Variants in ATP11B observed in about 807,000 individuals in gnomAD.
ATP11B encodes the protein phospholipid-transporting ATPase IF.
In ATP11B, 81 loss-of-function variants were observed where a neutral mutation model predicts 157.8. The ratio of observed to expected loss-of-function variants is 0.51; its 90% CI spans 0.43 to 0.62. The LOEUF is 0.62. Ranked by LOEUF, ATP11B falls within the 20% of genes least tolerant of loss-of-function variation. The pLI is 0.00. For synonymous variants in ATP11B, 451 were observed against 469.4 expected (o/e 0.96, Z 0.51); for missense variants, 1,165 against 1,402.2 (o/e 0.83, Z 2.70).
Position 182,852,093 on chromosome 3 carries a change from AT to A in ATP11B, c.851+3537del, listed in dbSNP as rs567156910. On this transcript the variant is annotated intron_variant, in intron 10 of 29. Coordinates refer to ENST00000323116, the MANE Select transcript of ATP11B (RefSeq NM_014616.3). ...ATCATACAAAGTATGTTCTTTGACA[AT>A]GAGGGAATTGGATTAAAAATCAATA... 1.8e-3 allele frequency among the ~76,000 whole-genome samples: 268 copies of A among 152,350 alleles called. 1 individual carries two copies. The highest frequency in any genetic ancestry group is 6.3e-3 in the African/African-American group (264 of 41,584).
At position 182,884,933 on chromosome 3, in the gene ATP11B, T is replaced by C. The variant is rs1249072230; in HGVS notation, c.2655+35T>C. The C allele has an allele frequency of 3.4e-6, 4 of 1,186,020 alleles. No individual in the cohort carries two copies. In the East Asian group the frequency reaches 7.6e-5, roughly 23 times the overall value. The allele number at this position is 1,186,020 out of a possible 1,614,324, so 73.5% of individuals were successfully genotyped here. A position where few individuals can be genotyped will look rare whatever the true frequency, so the allele number is the denominator to read the frequency against. On this transcript the variant is annotated intron_variant, in intron 22 of 29. Coordinates refer to ENST00000323116, the MANE Select transcript of ATP11B (RefSeq NM_014616.3). The stretch of plus-strand genomic sequence containing the variant: ...ATGTATTTAGAATCAATTATTGATA[T>C]AGTAATATGAAGTTTCAATTTAAGG...
chr3:182,880,881 A>G lies in ATP11B; in HGVS notation c.2409A>G (p.Val803=), dbSNP rs745864011. ...AACCAATTCATTATGTCTTTCAGGT[A>G]ATAAGACTAATAAAAATATCACCTG... The part of the protein sequence containing the change: ...CRMAPLQKAK[V]IRLIKISPEK... The change falls in exon 21 of 30, where the codon GTA becomes GTG. Residue 803 remains valine (V), a splice_region_variant and synonymous_variant. Coordinates refer to ENST00000323116, the MANE Select transcript of ATP11B (RefSeq NM_014616.3). 3.2e-6 allele frequency: 5 copies of G among 1,573,220 alleles called. No homozygotes were observed. The South Asian group carries it at 4.8e-5, about 15-fold the overall frequency.
intron 17 of ATP11B, among the ~76,000 whole-genome samples, chr3:182,871,158 C>T (rs1304543874): frequency 1.3e-5 from 2 of 151,528 alleles, no homozygotes; most frequent in South Asian, 2.1e-4. Context: ...CATAGCCAAG[C>T]GTGGTGGCAC....
intron 10 of ATP11B, among the ~76,000 whole-genome samples, chr3:182,852,881 C>T (rs1720089711): frequency 6.6e-6 from 1 of 152,164 alleles, no homozygotes; most frequent in African/African-American, 2.4e-5. Context: ...CTTAAAAAGG[C>T]ACTGTTTATG....
intron 21 of ATP11B, 27 bp downstream of exon 21, chr3:182,881,008 TC>T: frequency 6.6e-7 from 1 of 1,507,494 alleles, no homozygotes; most frequent in Admixed American, 2.2e-5. Flanking sequence ...GAAAAGTTTT[TC>T]CTGAACTTTT....
intron 18 of ATP11B, 147 bp downstream of exon 18, chr3:182,872,684 C>G: frequency 1.4e-6 from 1 of 717,360 alleles, no homozygotes; most frequent in Non-Finnish European, 2.2e-6. Context: ...TAATTTTTCC[C>G]GGTCAGTATG....
At chr3:182,819,564 C>T (rs1717197182) in intron 1 of ATP11B, among the ~76,000 whole-genome samples, 1 of 152,116 alleles carries the variant, frequency 6.6e-6, no homozygotes, top group Admixed American at 6.5e-5. Context: ...AATCTGAGGT[C>T]AGGATATGAG....
chr3:182,884,154 T>G (rs914334613), intron 21 of ATP11B, among the ~76,000 whole-genome samples: 2 of 152,222 alleles, frequency 1.3e-5, no homozygotes, highest in African/African-American at 2.4e-5. Flanking sequence ...TCTTCTCTTT[T>G]GAAACCTTAA....
chr3:182,793,675 C>G lies in ATP11B; in HGVS notation c.-85C>G, dbSNP rs1715388742. 1 of 929,688 alleles carries G rather than the reference C, an allele frequency of 1.1e-6. No individual in the cohort carries two copies. The highest frequency in any genetic ancestry group is 1.7e-5 in the African/African-American group (1 of 58,058). 57.6% of individuals were successfully genotyped at this position (929,688 alleles called of 1,614,324 possible). A position where few individuals can be genotyped will look rare whatever the true frequency, so the allele number is the denominator to read the frequency against. On this transcript the variant is annotated 5_prime_UTR_variant, in exon 1 of 30. Transcript: ENST00000323116. Reference sequence around the variant, plus strand: ...CGGAACTTCGGCCCGAGGGGCTCGCCCGCTCCCGCCTCTGTCTTGTCGGCC... The same window carrying G: ...CGGAACTTCGGCCCGAGGGGCTCGCGCGCTCCCGCCTCTGTCTTGTCGGCC...
At chr3:182,806,725 T>C (rs73887039) in intron 1 of ATP11B, among the ~76,000 whole-genome samples, 2,118 of 152,314 alleles carry the variant, frequency 0.014, 47 homozygotes, top group African/African-American at 0.049. Flanking sequence ...TGTGCCTGAT[T>C]TGTTTCATAA....
intron 29 of ATP11B, 164 bp from the exon 30 acceptor site, chr3:182,917,853 TAATATA>T: frequency 1.0e-6 from 1 of 980,616 alleles, no homozygotes; most frequent in Admixed American, 6.1e-5. Context: ...AGTTTTTATA[TAATATA>T]AATAGAAAGT....
chr3:182,822,557 G>T (rs888447269), intron 2 of ATP11B, among the ~76,000 whole-genome samples: 1 of 152,154 alleles, frequency 6.6e-6, no homozygotes, highest in African/African-American at 2.4e-5. Flanking sequence ...TTACTATTGT[G>T]AATAGTTCTG....
At chr3:182,817,793 C>CTT (rs145392454) in intron 1 of ATP11B, among the ~76,000 whole-genome samples, 1 of 145,990 alleles carries the variant, frequency 6.8e-6, no homozygotes, top group African/African-American at 2.5e-5. Flanking sequence ...ATTTTGGGTC[C>CTT]TTTTTTTTTT....
At chr3:182,900,160 G>A (rs771790103) in intron 28 of ATP11B, among the ~76,000 whole-genome samples, 7 of 152,062 alleles carry the variant, frequency 4.6e-5, no homozygotes, top group Non-Finnish European at 1.0e-4. Context: ...TTTGATAACC[G>A]AATCCTAGCC....
At chr3:182,801,192 T>C (rs999139403) in intron 1 of ATP11B, among the ~76,000 whole-genome samples, 2 of 152,188 alleles carry the variant, frequency 1.3e-5, no homozygotes, top group African/African-American at 4.8e-5. Flanking sequence ...TTTAAAACTA[T>C]TAGATTGTCC....
rs144248431 is a variant in ATP11B at position 182,895,455 on chromosome 3, A to G, written c.2983-1245A>G. Among the ~76,000 whole-genome samples the G allele has an allele frequency of 1.9e-3, 296 of 152,318 alleles. 2 individuals carry two copies. Among genetic ancestry groups the G allele is most frequent in the African/African-American group, 6.8e-3 (281 of 41,572 alleles). On this transcript the variant is annotated intron_variant, in intron 25 of 29. Coordinates refer to ENST00000323116, the MANE Select transcript of ATP11B (RefSeq NM_014616.3). Reference sequence around the variant, plus strand: ...CAATTCTTATAGAAAACTGCGATTTATCCTCATTTTACAAATGAAGAAAGT... The same window carrying G: ...CAATTCTTATAGAAAACTGCGATTTGTCCTCATTTTACAAATGAAGAAAGT...
At chr3:182,872,296 G>A (rs866087846) in intron 17 of ATP11B, 60 bp from the exon 18 acceptor site, 1 of 1,266,280 alleles carries the variant, frequency 7.9e-7, no homozygotes, top group East Asian at 2.3e-5. Flanking sequence ...GTGACTTCTT[G>A]ATTTTCTGTT....
chr3:182,895,913 T>G (rs545399459), intron 25 of ATP11B, among the ~76,000 whole-genome samples: 2 of 152,310 alleles, frequency 1.3e-5, no homozygotes, highest in South Asian at 4.1e-4. Context: ...CTTTCTTTAG[T>G]GGTCAGGTGG....
At chr3:182,891,011 C>G (rs1723138672) in intron 25 of ATP11B, among the ~76,000 whole-genome samples, 1 of 152,162 alleles carries the variant, frequency 6.6e-6, no homozygotes, top group African/African-American at 2.4e-5. Context: ...ACGTTGTGCA[C>G]ATGTACCCTA....
Sources: allele counts gnomAD v4.1 joint callset (sites outside exome capture counted in the v4.1 genomes callset), GRCh38; gene constraint gnomAD v4.1.1; transcripts MANE v1.5; gene names NCBI Gene and HGNC (gene_info 2026-07-23, HGNC 2026-07-21).